Variants in ZNF175 observed in about 807,000 individuals in gnomAD.
ZNF175 encodes the protein zinc finger protein OTK18.
A neutral mutation model predicts 14.0 loss-of-function variants in ZNF175; 8 were observed. The ratio of observed to expected loss-of-function variants is 0.57; its 90% CI spans 0.34 to 1.03. ZNF175 has a LOEUF of 1.03. Ranked by LOEUF, ZNF175 falls within the 50% of genes least tolerant of loss-of-function variation. The probability of loss-of-function intolerance (pLI) is 0.03; values close to 1 mark genes in which losing one functional copy is unlikely to be tolerated. For synonymous variants in ZNF175, 255 were observed against 296.8 expected (o/e 0.86, Z 1.45); for missense variants, 764 against 849.5 (o/e 0.90, Z 1.25).
intron 2 of ZNF175, among the ~76,000 whole-genome samples, chr19:51,576,480 G>T (rs1981793138): frequency 6.6e-6 from 1 of 152,060 alleles, no homozygotes; most frequent in Admixed American, 6.6e-5. Flanking sequence ...TCATAACTTT[G>T]CGAGGTACTG....
rs1472670151 is a variant in ZNF175, at chr19:51,590,815, T to C, written c.*2348T>C. 6.6e-6 allele frequency: 1 copy of C among 152,240 alleles called. No homozygotes were observed. The highest frequency in any genetic ancestry group is 6.6e-5 in the Admixed American group (1 of 15,264). 9.4% of individuals were successfully genotyped at this position (152,240 alleles called of 1,614,324 possible). On this transcript the variant is annotated 3_prime_UTR_variant, in exon 5 of 5. Coordinates refer to ENST00000262259, the MANE Select transcript of ZNF175 (RefSeq NM_007147.4). ...AAAGGCTGCAGAGGCCTCTCCATGG[T>C]GGTGAGGGGTGGAAATAGTGTGCAC... is the stretch of plus-strand genomic sequence containing the variant.
chr19:51,581,914 A>G (rs762779978), intron 4 of ZNF175, 32 bp downstream of exon 4: 9 of 1,588,472 alleles, frequency 5.7e-6, no homozygotes, highest in African/African-American at 1.3e-5. Flanking sequence ...AAATGTAGAT[A>G]TCTTTGCAGG....
Position 51,587,815 on chromosome 19 carries a change from G to T in ZNF175, c.1484G>T (p.Arg495Leu), listed in dbSNP as rs146440538. The stretch of plus-strand genomic sequence containing the variant: ...AAGTCACAGCTTGATATACATCATC[G>T]AATTCATACAGGGGAGAAACCTTAT... ...ISKSQLDIHH[R>L]IHTGEKPYEC... is the part of the protein sequence containing the mutation. The change falls in exon 5 of 5, where the codon CGA (arginine) becomes CTA (leucine). Residue 495 changes from arginine to leucine, a missense_variant. Arg to Leu is a moderately radical substitution (Grantham distance 102, BLOSUM62 -2). Transcript: ENST00000262259. 1 of 1,614,046 alleles carries T rather than the reference G, an allele frequency of 6.2e-7. No homozygotes were observed. Among genetic ancestry groups the T allele is most frequent in the Non-Finnish European group, 8.5e-7 (1 of 1,180,006 alleles).
chr19:51,571,763 A>ACT (rs1981593021), intron 1 of ZNF175, among the ~76,000 whole-genome samples: 1 of 152,166 alleles, frequency 6.6e-6, no homozygotes, highest in Admixed American at 6.5e-5. Context: ...GAAGGGATTC[A>ACT]CTGTCCGTGG....
chr19:51,573,479 C>A, intron 2 of ZNF175, 78 bp downstream of exon 2: 3 of 1,420,050 alleles, frequency 2.1e-6, no homozygotes, highest in Non-Finnish European at 2.9e-6. Flanking sequence ...GGGCTCCCTG[C>A]TCCTGAGTCA....
chr19:51,585,838 T>C (rs1371679675), intron 4 of ZNF175, among the ~76,000 whole-genome samples: 1 of 152,214 alleles, frequency 6.6e-6, no homozygotes, highest in African/African-American at 2.4e-5. Flanking sequence ...GAACAATTAA[T>C]TTCAATGGAA....
chr19:51,582,519 G>T (rs186813941), intron 4 of ZNF175, among the ~76,000 whole-genome samples: 1 of 152,232 alleles, frequency 6.6e-6, no homozygotes, highest in African/African-American at 2.4e-5. Flanking sequence ...GGATGGTCTC[G>T]ATCTCCTGAC....
chr19:51,577,864 C>A (rs147581014), intron 2 of ZNF175, among the ~76,000 whole-genome samples: 2 of 151,212 alleles, frequency 1.3e-5, no homozygotes, highest in Non-Finnish European at 2.9e-5. Context: ...GGGGTTTCAC[C>A]GTGTTAGCCA....
At chr19:51,586,530 C>G in intron 4 of ZNF175, 97 bp from the exon 5 acceptor site, 1 of 1,236,634 alleles carries the variant, frequency 8.1e-7, no homozygotes, top group South Asian at 1.6e-5. Context: ...TATTACATGA[C>G]TCAGCAATTT....
rs569128334 is a variant in ZNF175 at position 51,578,581 on chromosome 19, G to A, written c.73-2810G>A. Among the ~76,000 whole-genome samples the A allele has an allele frequency of 1.8e-4, 27 of 152,130 alleles. 1 individual carries two copies. Among genetic ancestry groups the A allele is most frequent in the South Asian group, 1.0e-3 (5 of 4,798 alleles). On this transcript the variant is annotated intron_variant, in intron 2 of 4. Transcript: ENST00000262259. ...CCAGGAGTTTGAGACGATCCTGAGCGTCATAGGGAGACCCCATCTTTACAA... is the reference window on the plus strand; with the variant it reads ...CCAGGAGTTTGAGACGATCCTGAGCATCATAGGGAGACCCCATCTTTACAA...
chr19:51,574,546 T>C (rs1026953234), intron 2 of ZNF175, among the ~76,000 whole-genome samples: 5 of 152,104 alleles, frequency 3.3e-5, no homozygotes, highest in African/African-American at 9.7e-5. Flanking sequence ...CATGCACCTG[T>C]AGTCCCAGCT....
In ZNF175 at chr19:51,589,960, A is replaced by C; in HGVS notation, c.*1493A>C. 4.3e-6 allele frequency: 1 copy of C among 231,486 alleles called. No homozygotes were observed. Among genetic ancestry groups the C allele is most frequent in the East Asian group, 8.7e-5 (1 of 11,480 alleles). 14.3% of individuals were successfully genotyped at this position (231,486 alleles called of 1,614,324 possible). On this transcript the variant is annotated 3_prime_UTR_variant, in exon 5 of 5. Transcript: ENST00000262259. ...AAGTACTCTTTCATTGATTTATAAA[A>C]CTCAGATCTCTTACGTGTGTGGATG...
rs532838869 is a variant in ZNF175, at chr19:51,588,076, C to T, written c.1745C>T (p.Thr582Met). The change falls in exon 5 of 5, where the codon ACG (threonine) becomes ATG (methionine). Residue 582 changes from threonine (T) to methionine (M), a missense_variant. Transcript: ENST00000262259. ...TTCAAAGAGCATCAGCGAATTCACA[C>T]GGGTGAGAAACCCTATGTGTGCACT... is the stretch of plus-strand genomic sequence containing the variant. ...SQFKEHQRIH[T>M]GEKPYVCTEC... 48 of 1,614,054 alleles carry T rather than the reference C, an allele frequency of 3.0e-5. No homozygotes were observed. Among genetic ancestry groups the T allele is most frequent in the African/African-American group, 1.6e-4 (12 of 74,938 alleles).
chr19:51,572,330 G>C (rs1981619039), intron 1 of ZNF175, among the ~76,000 whole-genome samples: 5 of 152,216 alleles, frequency 3.3e-5, no homozygotes, highest in Non-Finnish European at 7.3e-5. Flanking sequence ...ATTGCATTCA[G>C]GTGCGGTGGG....
Position 51,592,441 on chromosome 19 carries a change from C to G in ZNF175, c.*3974C>G. 1 of 541,702 alleles carries G rather than the reference C, an allele frequency of 1.8e-6. No homozygotes were observed. Among genetic ancestry groups the G allele is most frequent in the East Asian group, 3.1e-5 (1 of 32,446 alleles). The allele number at this position is 541,702 out of a possible 1,614,324, so 33.6% of individuals were successfully genotyped here. A position where few individuals can be genotyped will look rare whatever the true frequency, so the allele number is the denominator to read the frequency against. ...GTCCACCATGAGTACAACACAAATG[C>G]TCGTTCTTAATGATTCAACAAACAT... On this transcript the variant is annotated 3_prime_UTR_variant, in exon 5 of 5. Coordinates refer to ENST00000262259, the MANE Select transcript of ZNF175 (RefSeq NM_007147.4).
At chr19:51,574,603 A>G (rs964800340) in intron 2 of ZNF175, among the ~76,000 whole-genome samples, 2 of 152,204 alleles carry the variant, frequency 1.3e-5, no homozygotes, top group Non-Finnish European at 1.5e-5. Flanking sequence ...GAGGCGGTCA[A>G]GGTTGCAGTG....
At chr19:51,571,712 C>A (rs1404725247) in intron 1 of ZNF175, among the ~76,000 whole-genome samples, 1 of 152,166 alleles carries the variant, frequency 6.6e-6, no homozygotes, top group East Asian at 1.9e-4. Flanking sequence ...GAACGTGCAT[C>A]TTAAGAGCGC....
intron 1 of ZNF175, among the ~76,000 whole-genome samples, 195 bp from the exon 2 acceptor site, chr19:51,572,955 G>A (rs928049097): frequency 1.3e-5 from 2 of 152,180 alleles, no homozygotes; most frequent in Admixed American, 6.5e-5. Context: ...CAGTGAAAAT[G>A]TGGCAAAGCT....
chr19:51,579,001 C>T (rs1442809083), intron 2 of ZNF175, among the ~76,000 whole-genome samples: 2 of 152,106 alleles, frequency 1.3e-5, no homozygotes, highest in South Asian at 4.1e-4. Context: ...CACCTGTAAT[C>T]TCAGAACTTT....
Sources: allele counts gnomAD v4.1 joint callset (sites outside exome capture counted in the v4.1 genomes callset), GRCh38; gene constraint gnomAD v4.1.1; transcripts MANE v1.5; gene names NCBI Gene and HGNC (gene_info 2026-07-23, HGNC 2026-07-21).